Variants in FBN1 observed in about 807,000 individuals in gnomAD.
FBN1 encodes the protein fibrillin 1.
FBN1 carries 29 observed loss-of-function variants against 365.1 expected under a neutral mutation model. The ratio of observed to expected loss-of-function variants is 0.08; its 90% CI spans 0.06 to 0.11. The LOEUF (loss-of-function observed/expected upper bound fraction) is 0.11, where lower values mean the gene tolerates loss of function less well. FBN1 is among the 10% of genes least tolerant of loss of function. FBN1 has a pLI of 1.00. For missense variants in FBN1, 2,476 were observed against 3,703.2 expected (o/e 0.67, Z 8.60); for synonymous variants, 1,210 against 1,270.5 (o/e 0.95, Z 1.01).
chr15:48,515,249 C>A, intron 12 of FBN1, 138 bp downstream of exon 12: 2 of 915,154 alleles, frequency 2.2e-6, no homozygotes, highest in Non-Finnish European at 3.4e-6. Flanking sequence ...ACCTACAGAG[C>A]TGAAAGATAA....
In FBN1 at chr15:48,644,897, G is replaced by A; in HGVS notation, c.-128C>T. 2 of 951,192 alleles carry A rather than the reference G, an allele frequency of 2.1e-6. No individual in the cohort carries two copies. The highest frequency in any genetic ancestry group is 2.7e-6 in the Non-Finnish European group (2 of 731,714). 58.9% of individuals were successfully genotyped at this position (951,192 alleles called of 1,614,324 possible). ...TATCCCGCCGCCCGTCCCCCGGGCC[G>A]GGCTCCTCCCGCCTTCTCCAGGCGC... On this transcript the variant is annotated 5_prime_UTR_variant, in exon 2 of 66. Coordinates refer to ENST00000316623, the MANE Select transcript of FBN1 (RefSeq NM_000138.5).
intron 2 of FBN1, among the ~76,000 whole-genome samples, chr15:48,624,475 T>C (rs1033042050): frequency 6.6e-6 from 1 of 152,246 alleles, no homozygotes; most frequent in Admixed American, 6.5e-5. Context: ...GTTGCTCCCA[T>C]ACATGGGAAG....
At chr15:48,614,080 C>T (rs1483480576) in intron 2 of FBN1, among the ~76,000 whole-genome samples, 1 of 152,156 alleles carries the variant, frequency 6.6e-6, no homozygotes, top group Admixed American at 6.5e-5. Context: ...TTAACAATTT[C>T]AGGGAGCAAC....
At chr15:48,475,614 G>A (rs1170047106) in intron 32 of FBN1, among the ~76,000 whole-genome samples, 1 of 152,132 alleles carries the variant, frequency 6.6e-6, no homozygotes, top group African/African-American at 2.4e-5. Context: ...ACCAATCTTA[G>A]GTCAAGAAGA....
At chr15:48,639,701 T>C (rs1313137929) in intron 2 of FBN1, among the ~76,000 whole-genome samples, 1 of 152,220 alleles carries the variant, frequency 6.6e-6, no homozygotes, top group Non-Finnish European at 1.5e-5. Context: ...TAAACTATCA[T>C]GTGCCTGAGT....
chr15:48,472,501 C>G, intron 35 of FBN1, 50 bp downstream of exon 35: 1 of 1,517,888 alleles, frequency 6.6e-7, no homozygotes, highest in Non-Finnish European at 9.1e-7. Flanking sequence ...TTTAAATAAC[C>G]TAATCTCATC....
At chr15:48,456,458 A>T (rs968926732) in intron 44 of FBN1, among the ~76,000 whole-genome samples, 179 bp downstream of exon 44, 3 of 151,604 alleles carry the variant, frequency 2.0e-5, no homozygotes, top group African/African-American at 7.3e-5. Flanking sequence ...TTTTCCACTG[A>T]AGTTAGTGAA....
At chr15:48,416,556 C>T (rs2042904960) in intron 63 of FBN1, 2 of 152,466 alleles carry the variant, frequency 1.3e-5, no homozygotes. Flanking sequence ...TTGGGGAAAA[C>T]CCACAAGTGA....
intron 29 of FBN1, among the ~76,000 whole-genome samples, chr15:48,486,616 C>A (rs1034522543): frequency 6.6e-6 from 1 of 152,152 alleles, no homozygotes; most frequent in Non-Finnish European, 1.5e-5. Context: ...TTTTTGAAAT[C>A]TTTTAGCTGA....
At chr15:48,523,159 C>G (rs1442781842) in intron 9 of FBN1, among the ~76,000 whole-genome samples, 1 of 152,238 alleles carries the variant, frequency 6.6e-6, no homozygotes, top group Non-Finnish European at 1.5e-5. Flanking sequence ...ATATTCAAAA[C>G]TGGCTTATAT....
chr15:48,645,363 C>G (rs567905316), intron 1 of FBN1, among the ~76,000 whole-genome samples: 129 of 152,360 alleles, frequency 8.5e-4, no homozygotes, highest in South Asian at 1.2e-3. Flanking sequence ...CACCGCCCCC[C>G]GAACATCTGA....
chr15:48,505,544 C>T (rs906700953), intron 15 of FBN1, among the ~76,000 whole-genome samples: 1 of 152,166 alleles, frequency 6.6e-6, no homozygotes, highest in African/African-American at 2.4e-5. Context: ...GGAAGACTTT[C>T]CTTTTGGTAT....
rs749912176 is a variant in FBN1 at position 48,420,767 on chromosome 15, C to T, written c.7739G>A (p.Gly2580Asp). 6.2e-7 allele frequency: 1 copy of T among 1,614,094 alleles called. No homozygotes were observed. The highest frequency in any genetic ancestry group is 1.1e-5 in the South Asian group (1 of 91,078). ...GTAGCCCCCAATGATGTTCTGGCAG[C>T]CATGCTGGCAGCGGTGGTTACCCTC... Reference protein sequence around the residue: ...ECEGNHRCQHGCQNIIGGYRC... With the variant: ...ECEGNHRCQHDCQNIIGGYRC... The change falls in exon 63 of 66, where the codon GGC becomes GAC. Residue 2580 changes from glycine to aspartate, a missense_variant. Around this residue, in one of 5 missense-constraint regions of FBN1, gnomAD observed 1,780 missense variants for 2,840.8 expected, o/e 0.63. Coordinates refer to ENST00000316623, the MANE Select transcript of FBN1 (RefSeq NM_000138.5).
chr15:48,525,998 A>T (rs555425477), intron 9 of FBN1, 132 bp downstream of exon 9: 1 of 1,236,092 alleles, frequency 8.1e-7, no homozygotes, highest in African/African-American at 1.5e-5. Flanking sequence ...CAACTGTTTA[A>T]CATTTTTCCA....
At chr15:48,510,253 C>A in intron 13 of FBN1, 84 bp from the exon 14 acceptor site, 1 of 1,402,366 alleles carries the variant, frequency 7.1e-7, no homozygotes, top group Non-Finnish European at 1.0e-6. Context: ...CATTTGCAAA[C>A]TCATGATCTT....
chr15:48,470,815 G>A (rs2043368286), intron 35 of FBN1, 59 bp from the exon 36 acceptor site: 2 of 1,565,020 alleles, frequency 1.3e-6, no homozygotes, highest in Non-Finnish European at 1.7e-6. Flanking sequence ...AAAAAAACCT[G>A]CCAAATATAA....
At chr15:48,430,535 G>A (rs2043015529) in intron 56 of FBN1, 136 bp downstream of exon 56, 2 of 903,682 alleles carry the variant, frequency 2.2e-6, no homozygotes, top group Non-Finnish European at 3.6e-6. Context: ...AACCACCATG[G>A]AGAGTCCTGA....
intron 2 of FBN1, among the ~76,000 whole-genome samples, chr15:48,619,109 G>C (rs138735901): frequency 3.7e-3 from 564 of 152,222 alleles, no homozygotes; most frequent in African/African-American, 0.013. Flanking sequence ...CCGTGGAAAA[G>C]TTATGTTCCA....
At chr15:48,536,347 A>AC (rs922806288) in intron 7 of FBN1, among the ~76,000 whole-genome samples, 4 of 150,902 alleles carry the variant, frequency 2.7e-5, no homozygotes, top group Non-Finnish European at 4.4e-5. Flanking sequence ...CATTATCCCC[A>AC]CCCCCCCAAT....
Sources: gnomAD v4.1 joint callset for allele counts (sites outside exome capture counted in the v4.1 genomes callset) on GRCh38, gnomAD v4.1.1 for gene constraint, gnomAD v4.1.1 regional missense constraint, MANE v1.5 for transcripts, NCBI Gene and HGNC (gene_info 2026-07-23, HGNC 2026-07-21) for gene names.